The following COL21A1 variants were observed in gnomAD, a reference collection of about 807,000 sequenced individuals.
The protein encoded by COL21A1 is collagen type XXI alpha 1 chain, also known as collagen alpha-1(XXI) chain.
COL21A1 carries 149 observed loss-of-function variants against 137.9 expected under a neutral mutation model. That is an observed-to-expected ratio of 1.08 (90% CI 0.95 to 1.24). The LOEUF is 1.24. Ranked by LOEUF, COL21A1 falls within the 50% of genes most tolerant of loss-of-function variation. The pLI, the probability that COL21A1 is intolerant of heterozygous loss-of-function variation, is 0.00. For missense variants in COL21A1, 1,167 were observed against 1,158.4 expected (o/e 1.01, Z -0.11); for synonymous variants, 456 against 391.5 (o/e 1.16, Z -1.95).
intron 1 of COL21A1, among the ~76,000 whole-genome samples, chr6:56,264,933 T>C (rs1763361536): frequency 6.6e-6 from 1 of 152,224 alleles, no homozygotes; most frequent in African/African-American, 2.4e-5. Flanking sequence ...AAGGGCATTT[T>C]CTTTCTTCTA....
intron 1 of COL21A1, among the ~76,000 whole-genome samples, chr6:56,217,817 T>C (rs1165146431): frequency 1.3e-5 from 2 of 152,036 alleles, no homozygotes; most frequent in African/African-American, 4.8e-5. Context: ...TTCACTCACT[T>C]CTCAACACAG....
chr6:56,375,261 A>T (rs193058446), intron 1 of COL21A1, among the ~76,000 whole-genome samples: 110 of 152,278 alleles, frequency 7.2e-4, no homozygotes, highest in African/African-American at 2.6e-3. Flanking sequence ...GATATTTTCC[A>T]CTTGGCCCTC....
At chr6:56,124,431 G>A in intron 14 of COL21A1, 139 bp from the exon 15 acceptor site, 1 of 754,876 alleles carries the variant, frequency 1.3e-6, no homozygotes, top group East Asian at 2.7e-5. Flanking sequence ...TGTTGACTCT[G>A]CAAAGCACTA....
chr6:56,316,358 A>C (rs1041901691), intron 1 of COL21A1, among the ~76,000 whole-genome samples: 5 of 151,554 alleles, frequency 3.3e-5, no homozygotes, highest in Non-Finnish European at 7.4e-5. Context: ...TTAATGCATT[A>C]TTATATTGCA....
chr6:56,332,593 C>CCT lies in COL21A1; in HGVS notation c.-39+61377_-39+61378insAG, dbSNP rs1562060715. Among the ~76,000 whole-genome samples the CCT allele has an allele frequency of 1.5e-4, 22 of 149,352 alleles. No individual in the cohort carries two copies. In the East Asian group the frequency reaches 3.0e-3, roughly 20 times the overall value. On this transcript the variant is annotated intron_variant, in intron 1 of 28. Transcript: ENST00000370819. ...TGTCACCAAATAGCCCCCCCGCCCC[C>CCT]GCCAAAAAGGGTTACATGTTTGCCC...
chr6:56,151,646 G>A (rs1343473938), intron 10 of COL21A1, among the ~76,000 whole-genome samples: 1 of 152,178 alleles, frequency 6.6e-6, no homozygotes, highest in Non-Finnish European at 1.5e-5. Flanking sequence ...GGCTTGGCCT[G>A]GTTATAATGT....
intron 2 of COL21A1, 64 bp downstream of exon 2, chr6:56,182,467 C>A: frequency 9.6e-7 from 1 of 1,044,610 alleles, no homozygotes; most frequent in Middle Eastern, 2.0e-4. Flanking sequence ...TACTTGAACT[C>A]CCCTAGTTTA....
intron 22 of COL21A1, 36 bp from the exon 23 acceptor site, chr6:56,067,366 G>A (rs755412310): frequency 6.4e-7 from 1 of 1,569,752 alleles, no homozygotes; most frequent in African/African-American, 1.4e-5. Flanking sequence ...TCATAATCTA[G>A]CATATTCTGT....
chr6:56,105,194 T>C (rs1425967897), intron 16 of COL21A1, among the ~76,000 whole-genome samples: 1 of 152,190 alleles, frequency 6.6e-6, no homozygotes, highest in African/African-American at 2.4e-5. Flanking sequence ...TGGAACTAGC[T>C]GTGCATGTTT....
In COL21A1 at chr6:56,057,546, C is replaced by T; in HGVS notation, c.*111G>A. On this transcript the variant is annotated 3_prime_UTR_variant, in exon 30 of 30. Coordinates refer to ENST00000244728, the MANE Select transcript of COL21A1 (RefSeq NM_030820.4). Reference sequence around the variant, plus strand: ...TTCCATAAGAAAAAAAAAATAAAAACACCGAGGTACTTAAGTTTCTTTTCA... The same window carrying T: ...TTCCATAAGAAAAAAAAAATAAAAATACCGAGGTACTTAAGTTTCTTTTCA... 1.0e-6 allele frequency: 1 copy of T among 964,096 alleles called. No individual in the cohort carries two copies. Among genetic ancestry groups the T allele is most frequent in the Non-Finnish European group, 1.6e-6 (1 of 642,272 alleles). The allele number at this position is 964,096 out of a possible 1,614,324, so 59.7% of individuals were successfully genotyped here.
intron 1 of COL21A1, among the ~76,000 whole-genome samples, chr6:56,334,890 G>A (rs1014081542): frequency 2.6e-5 from 4 of 152,122 alleles, no homozygotes; most frequent in Admixed American, 2.6e-4. Flanking sequence ...GTGCATGTTT[G>A]CCCTTCTACC....
chr6:56,147,097 C>T (rs1490811849), intron 10 of COL21A1, among the ~76,000 whole-genome samples: 8 of 152,112 alleles, frequency 5.3e-5, no homozygotes, highest in African/African-American at 1.7e-4. Context: ...TTATACTAAG[C>T]TTATTTCAAA....
chr6:56,129,501 G>T lies in COL21A1; in HGVS notation c.1543-3352C>A, dbSNP rs574781958. ...CTTTCTCATTTAAACTACTGCATTTGGTCTATTTGTTATAGATCTTTGCCA... is the reference window on the plus strand; with the variant it reads ...CTTTCTCATTTAAACTACTGCATTTTGTCTATTTGTTATAGATCTTTGCCA... On this transcript the variant is annotated intron_variant, in intron 12 of 29. Coordinates refer to ENST00000244728, the MANE Select transcript of COL21A1 (RefSeq NM_030820.4). Among the ~76,000 whole-genome samples the T allele has an allele frequency of 4.6e-5, 7 of 152,106 alleles. No individual in the cohort carries two copies. In the South Asian group the frequency reaches 1.2e-3, roughly 27 times the overall value.
intron 20 of COL21A1, among the ~76,000 whole-genome samples, chr6:56,073,994 G>T (rs1304115286): frequency 1.3e-5 from 2 of 151,402 alleles, no homozygotes; most frequent in African/African-American, 4.8e-5. Flanking sequence ...CAAAAAGGGA[G>T]AAGGGGGCTG....
At chr6:56,283,355 A>T (rs1189895151) in intron 1 of COL21A1, among the ~76,000 whole-genome samples, 1 of 152,142 alleles carries the variant, frequency 6.6e-6, no homozygotes. Context: ...GTAGAAAAAA[A>T]ATCTCATCAT....
intron 17 of COL21A1, among the ~76,000 whole-genome samples, chr6:56,084,376 T>TA (rs929383099): frequency 9.9e-5 from 15 of 151,986 alleles, no homozygotes; most frequent in African/African-American, 3.6e-4. Flanking sequence ...ATTTGTTGTT[T>TA]AAAAAAATTG....
At chr6:56,271,795 T>C (rs1191299361) in intron 1 of COL21A1, among the ~76,000 whole-genome samples, 1 of 152,220 alleles carries the variant, frequency 6.6e-6, no homozygotes, top group Non-Finnish European at 1.5e-5. Flanking sequence ...GCTCCAGCCA[T>C]GCCTCAAAGG....
At chr6:56,319,379 C>A (rs954839748) in intron 1 of COL21A1, among the ~76,000 whole-genome samples, 2 of 152,072 alleles carry the variant, frequency 1.3e-5, no homozygotes, top group African/African-American at 4.8e-5. Flanking sequence ...ACTCTGTCAC[C>A]CAGGCTGGAG....
At position 56,150,577 on chromosome 6, in the gene COL21A1, G is replaced by A. The variant is rs562006946; in HGVS notation, c.1434+6310C>T. ...ACACACACACACACAAGAGTGGGGGGAACTGAATCACGAACTGTGACCCAG... is the reference window on the plus strand; with the variant it reads ...ACACACACACACACAAGAGTGGGGGAAACTGAATCACGAACTGTGACCCAG... On this transcript the variant is annotated intron_variant, in intron 10 of 29. Transcript: ENST00000244728. Among the ~76,000 whole-genome samples, 631 of 144,060 alleles carry A rather than the reference G, an allele frequency of 4.4e-3. 2 individuals carry two copies. Among genetic ancestry groups the A allele is most frequent in the Non-Finnish European group, 6.4e-3 (427 of 67,044 alleles). 94.5% of individuals were successfully genotyped at this position (144,060 alleles called of 152,430 possible).
Sources: gnomAD v4.1 joint callset for allele counts (sites outside exome capture counted in the v4.1 genomes callset) on GRCh38, gnomAD v4.1.1 for gene constraint, MANE v1.5 for transcripts, NCBI Gene and HGNC (gene_info 2026-07-23, HGNC 2026-07-21) for gene names.